Variants in ZBTB7C observed in about 807,000 individuals in gnomAD.
ZBTB7C encodes zinc finger and BTB domain-containing protein 7C.
A neutral mutation model predicts 25.7 loss-of-function variants in ZBTB7C; 8 were observed. The ratio of observed to expected loss-of-function variants is 0.31; its 90% CI spans 0.18 to 0.56. The LOEUF is 0.56. ZBTB7C is among the 20% of genes least tolerant of loss of function. The pLI is 0.91. For synonymous variants in ZBTB7C, 394 were observed against 369.0 expected (o/e 1.07, Z -0.78); for missense variants, 824 against 855.2 (o/e 0.96, Z 0.46).
At chr18:48,312,144 G>A (rs557620232) in intron 2 of ZBTB7C, among the ~76,000 whole-genome samples, 5 of 152,194 alleles carry the variant, frequency 3.3e-5, no homozygotes, top group African/African-American at 4.8e-5. Context: ...CAGTGCCCAC[G>A]TGCTGGGCTC....
intron 1 of ZBTB7C, among the ~76,000 whole-genome samples, chr18:48,404,070 T>C (rs1443073869): frequency 3.3e-5 from 5 of 152,120 alleles, no homozygotes; most frequent in Admixed American, 6.5e-5. Flanking sequence ...CTGGCCAACA[T>C]GGTAAAACCC....
intron 2 of ZBTB7C, among the ~76,000 whole-genome samples, chr18:48,251,922 A>C (rs2043870783): frequency 6.6e-6 from 1 of 151,678 alleles, no homozygotes; most frequent in Non-Finnish European, 1.5e-5. Context: ...TGCCTATTAA[A>C]CCTCTGCTCT....
intron 2 of ZBTB7C, among the ~76,000 whole-genome samples, chr18:48,326,377 T>A (rs2046219941): frequency 1.3e-5 from 2 of 152,150 alleles, no homozygotes; most frequent in South Asian, 4.1e-4. Context: ...ATTACAGGCG[T>A]GAGTCACCAT....
intron 2 of ZBTB7C, among the ~76,000 whole-genome samples, chr18:48,279,496 T>C (rs1344440682): frequency 6.6e-6 from 1 of 152,158 alleles, no homozygotes; most frequent in Non-Finnish European, 1.5e-5. Context: ...CAAACTCCAG[T>C]GGGGAAATAT....
intron 2 of ZBTB7C, among the ~76,000 whole-genome samples, chr18:48,234,570 G>A (rs1168000417): frequency 2.6e-5 from 4 of 152,140 alleles, no homozygotes; most frequent in African/African-American, 9.7e-5. Flanking sequence ...AGCACACCAT[G>A]AACTCTTTCC....
chr18:48,190,233 C>T (rs1220795416), intron 2 of ZBTB7C, among the ~76,000 whole-genome samples: 1 of 152,168 alleles, frequency 6.6e-6, no homozygotes, highest in Non-Finnish European at 1.5e-5. Flanking sequence ...AAGAAGAAGA[C>T]TAAGTGTGAA....
At position 48,367,232 on chromosome 18, in the gene ZBTB7C, CAT is replaced by C. The variant is rs1288408940; in HGVS notation, c.-303-28836_-303-28835del. On this transcript the variant is annotated intron_variant, in intron 1 of 4. Coordinates refer to ENST00000590800, the MANE Select transcript of ZBTB7C (RefSeq NM_001318841.2). ...ACACACACACACACACACACACACACATACATACACACACACACACATATATA... is the reference window on the plus strand; with the variant it reads ...ACACACACACACACACACACACACACACATACACACACACACACATATATA... Among the ~76,000 whole-genome samples the C allele has an allele frequency of 3.8e-4, 33 of 87,192 alleles. 1 individual carries two copies. Among genetic ancestry groups the C allele is most frequent in the African/African-American group, 7.7e-4 (21 of 27,332 alleles). The allele number at this position is 87,192 out of a possible 152,430, so 57.2% of individuals were successfully genotyped here. A position where few individuals can be genotyped will look rare whatever the true frequency, so the allele number is the denominator to read the frequency against.
intron 2 of ZBTB7C, among the ~76,000 whole-genome samples, chr18:48,291,809 G>C (rs1260384328): frequency 6.6e-6 from 1 of 152,164 alleles, no homozygotes; most frequent in South Asian, 2.1e-4. Flanking sequence ...GATTGGCCAA[G>C]CTTTCTGGAG....
chr18:48,093,258 C>T (rs2038487131), intron 3 of ZBTB7C, among the ~76,000 whole-genome samples: 1 of 152,220 alleles, frequency 6.6e-6, no homozygotes, highest in African/African-American at 2.4e-5. Context: ...TACCCGGTTT[C>T]TCCCTTCTTC....
intron 3 of ZBTB7C, among the ~76,000 whole-genome samples, chr18:48,078,737 G>A (rs1284273301): frequency 6.6e-6 from 1 of 152,178 alleles, no homozygotes; most frequent in African/African-American, 2.4e-5. Context: ...CTTGGCAGGA[G>A]CTTAGTTCAA....
chr18:48,354,447 A>T (rs1046233429), intron 1 of ZBTB7C, among the ~76,000 whole-genome samples: 12 of 152,182 alleles, frequency 7.9e-5, no homozygotes, highest in African/African-American at 2.7e-4. Flanking sequence ...CAGACCATCC[A>T]ATATGGACAA....
chr18:48,342,771 C>T (rs1012928161), intron 1 of ZBTB7C, among the ~76,000 whole-genome samples: 3 of 152,068 alleles, frequency 2.0e-5, no homozygotes, highest in Admixed American at 6.5e-5. Context: ...CTGGAGACAG[C>T]GCTGTTAAGT....
At chr18:48,264,460 A>C in intron 2 of ZBTB7C, among the ~76,000 whole-genome samples, 1 of 151,734 alleles carries the variant, frequency 6.6e-6, no homozygotes, top group African/African-American at 2.4e-5. Context: ...CCAGAGCCCC[A>C]CTCCCCAGGC....
At chr18:48,350,717 C>T (rs930288440) in intron 1 of ZBTB7C, 26 of 152,190 alleles carry the variant, frequency 1.7e-4, no homozygotes, top group African/African-American at 6.3e-4. Context: ...TTAACATTTC[C>T]TTGTGTTTCT....
At chr18:48,110,778 T>A (rs1326291489) in intron 3 of ZBTB7C, among the ~76,000 whole-genome samples, 1 of 152,018 alleles carries the variant, frequency 6.6e-6, no homozygotes, top group East Asian at 1.9e-4. Flanking sequence ...GCTGGCCCTG[T>A]CATGGGAGGG....
chr18:48,184,021 C>T (rs2041994173), intron 3 of ZBTB7C, among the ~76,000 whole-genome samples: 1 of 152,160 alleles, frequency 6.6e-6, no homozygotes, highest in Non-Finnish European at 1.5e-5. Context: ...TTCTAGGAAG[C>T]CCAACCTAAG....
At chr18:48,172,217 A>C (rs2041506774) in intron 3 of ZBTB7C, among the ~76,000 whole-genome samples, 1 of 152,196 alleles carries the variant, frequency 6.6e-6, no homozygotes. Context: ...GATGAGGCTA[A>C]GGACGCATTG....
chr18:48,199,874 C>T (rs62088886), intron 2 of ZBTB7C, among the ~76,000 whole-genome samples: 10,788 of 152,202 alleles, frequency 0.071, 522 homozygotes, highest in Middle Eastern at 0.16. Flanking sequence ...ACACTGCTTA[C>T]GGCTGAGGGA....
At chr18:48,373,756 T>A (rs2047447025) in intron 1 of ZBTB7C, among the ~76,000 whole-genome samples, 1 of 152,166 alleles carries the variant, frequency 6.6e-6, no homozygotes, top group Non-Finnish European at 1.5e-5. Flanking sequence ...GGTCAGGAGA[T>A]CGAGACCATC....
Sources: gnomAD v4.1 joint callset for allele counts (sites outside exome capture counted in the v4.1 genomes callset) on GRCh38, gnomAD v4.1.1 for gene constraint, MANE v1.5 for transcripts, NCBI Gene and HGNC (gene_info 2026-07-23, HGNC 2026-07-21) for gene names.